Variants in WDFY3 observed in about 807,000 individuals in gnomAD.
The protein encoded by WDFY3 is WD repeat and FYVE domain containing 3.
In WDFY3, 66 loss-of-function variants were observed where a neutral mutation model predicts 409.6. The ratio of observed to expected loss-of-function variants is 0.16; its 90% CI spans 0.13 to 0.20. The LOEUF is 0.20. Ranked by LOEUF, WDFY3 falls within the 10% of genes least tolerant of loss-of-function variation. The pLI is 1.00. For synonymous variants in WDFY3, 1,521 were observed against 1,537.1 expected, an observed-to-expected ratio of 0.99 and a Z score of 0.25; for missense variants, 3,031 against 4,298.1, an observed-to-expected ratio of 0.71 and a Z score of 8.24.
In WDFY3 at chr4:84,815,952, C is replaced by A. The variant is rs182143856; in HGVS notation, c.1887+1440G>T. Among the ~76,000 whole-genome samples, 25 of 152,150 alleles carry A rather than the reference C, an allele frequency of 1.6e-4. No individual in the cohort carries two copies. In the East Asian group the frequency reaches 4.8e-3, roughly 29 times the overall value. ...ATTTTACTTGAATCAATTATTACTA[C>A]GATAGTTCATAAATTGTGATTTTCT... On this transcript the variant is annotated intron_variant, in intron 13 of 67. Coordinates refer to ENST00000295888, the MANE Select transcript of WDFY3 (RefSeq NM_014991.6).
chr4:84,762,615 AT>A (rs1742857859), intron 32 of WDFY3, among the ~76,000 whole-genome samples: 2 of 152,136 alleles, frequency 1.3e-5, no homozygotes, highest in African/African-American at 4.8e-5. Flanking sequence ...AAGTATAATA[AT>A]AAAAAAAAAA....
At chr4:84,700,003 G>T (rs1730822536) in intron 56 of WDFY3, among the ~76,000 whole-genome samples, 1 of 147,314 alleles carries the variant, frequency 6.8e-6, no homozygotes, top group Non-Finnish European at 1.5e-5. Flanking sequence ...CCATTCTATA[G>T]GCATCTTTTC....
At chr4:84,750,674 TTC>T (rs1740372727) in intron 36 of WDFY3, among the ~76,000 whole-genome samples, 1 of 152,246 alleles carries the variant, frequency 6.6e-6, no homozygotes, top group Non-Finnish European at 1.5e-5. Flanking sequence ...GTATTAAATT[TTC>T]TCTCTGTGAT....
At chr4:84,912,440 G>A (rs1767914933) in intron 2 of WDFY3, among the ~76,000 whole-genome samples, 1 of 152,082 alleles carries the variant, frequency 6.6e-6, no homozygotes, top group African/African-American at 2.4e-5. Flanking sequence ...CTTTATTGTG[G>A]GCACAGGGTT....
intron 13 of WDFY3, among the ~76,000 whole-genome samples, chr4:84,811,740 C>T (rs1752526891): frequency 1.3e-5 from 2 of 152,046 alleles, no homozygotes. Flanking sequence ...TAAAAGATCT[C>T]ACACATTTCT....
intron 62 of WDFY3, among the ~76,000 whole-genome samples, chr4:84,687,069 G>A (rs12647707): frequency 2.6e-5 from 4 of 151,976 alleles, no homozygotes; most frequent in East Asian, 3.9e-4. Context: ...TCTCTTGTTT[G>A]GGTACCCAAA....
Position 84,966,680 on chromosome 4 carries a change from G to C in WDFY3, c.-697C>G, listed in dbSNP as rs1775808168. The C allele has an allele frequency of 6.4e-6, 1 of 155,896 alleles. No homozygotes were observed. The highest frequency in any genetic ancestry group is 6.5e-5 in the Admixed American group (1 of 15,292). The allele number at this position is 155,896 out of a possible 1,614,324, so 9.7% of individuals were successfully genotyped here. On this transcript the variant is annotated 5_prime_UTR_variant, in exon 1 of 68. Coordinates refer to ENST00000295888, the MANE Select transcript of WDFY3 (RefSeq NM_014991.6). The stretch of plus-strand genomic sequence containing the variant: ...CCTCCTCCTGCTTTCTCCACCTCCC[G>C]CTGGCTGTCTGACTGACTGACTGGA...
intron 50 of WDFY3, 90 bp from the exon 51 acceptor site, chr4:84,713,329 T>G (rs1003858306): frequency 8.2e-7 from 1 of 1,219,146 alleles, no homozygotes; most frequent in Non-Finnish European, 1.2e-6. Flanking sequence ...GTTTAGATTT[T>G]CATAGTTGCG....
chr4:84,803,221 T>A, intron 16 of WDFY3, 69 bp downstream of exon 16: 1 of 1,463,384 alleles, frequency 6.8e-7, no homozygotes. Flanking sequence ...CCCTAGCTCA[T>A]ATAATCATAC....
At chr4:84,775,174 A>T (rs1347428029) in intron 27 of WDFY3, 36 bp from the exon 28 acceptor site, 1 of 1,525,182 alleles carries the variant, frequency 6.6e-7, no homozygotes, top group East Asian at 2.3e-5. Flanking sequence ...ATTTAAGGTT[A>T]AAAAAAATGC....
chr4:84,724,623 G>C, intron 45 of WDFY3, 29 bp from the exon 46 acceptor site: 2 of 1,600,828 alleles, frequency 1.2e-6, no homozygotes, highest in Non-Finnish European at 1.7e-6. Flanking sequence ...AAATGACTCC[G>C]ATAACTATCA....
intron 27 of WDFY3, among the ~76,000 whole-genome samples, chr4:84,777,686 G>A (rs1319187040): frequency 1.3e-5 from 2 of 152,038 alleles, no homozygotes; most frequent in African/African-American, 2.4e-5. Flanking sequence ...AGGAAGAAGG[G>A]TTAGGGCCTA....
intron 27 of WDFY3, among the ~76,000 whole-genome samples, chr4:84,776,638 T>C (rs1278305979): frequency 6.6e-6 from 1 of 152,080 alleles, no homozygotes; most frequent in African/African-American, 2.4e-5. Context: ...TCTATTTCTT[T>C]GTCTTTTTCC....
intron 1 of WDFY3, among the ~76,000 whole-genome samples, chr4:84,956,055 CA>C (rs1422719763): frequency 6.6e-6 from 1 of 152,102 alleles, no homozygotes; most frequent in Non-Finnish European, 1.5e-5. Flanking sequence ...AGCTATGTAT[CA>C]AATTCCTACT....
At chr4:84,919,398 T>A (rs1768947858) in intron 2 of WDFY3, among the ~76,000 whole-genome samples, 1 of 152,122 alleles carries the variant, frequency 6.6e-6, no homozygotes, top group Non-Finnish European at 1.5e-5. Context: ...ATACAGGGGA[T>A]GAAATGTTAT....
rs763941033 is a variant in WDFY3, at chr4:84,756,933, C to A, written c.5417G>T (p.Gly1806Val). The A allele has an allele frequency of 6.2e-6, 10 of 1,613,636 alleles. No individual in the cohort carries two copies. The highest frequency in any genetic ancestry group is 8.5e-6 in the Non-Finnish European group (10 of 1,179,732). ...VPVISCRSKQ[G>V]CQFDLDSIWT... ...TTGCTAGATAATTCCTACCTGGCAA[C>A]CCTGCTTACTCCGGCAGCTGATGAC... The change falls in exon 33 of 68, where the codon GGT (glycine) becomes GTT (valine). Residue 1806 changes from glycine (G) to valine (V), a missense_variant. By Grantham distance (109) the Gly-to-Val change is moderately radical. This residue lies in a region of WDFY3 where 342 missense variants were observed against 463.7 expected (regional missense o/e 0.74). Transcript: ENST00000295888.
chr4:84,943,272 C>T (rs1029673948), intron 1 of WDFY3, among the ~76,000 whole-genome samples: 5 of 152,158 alleles, frequency 3.3e-5, no homozygotes, highest in East Asian at 1.9e-4. Flanking sequence ...GAGGCCGAGG[C>T]GGGCGGATCA....
chr4:84,756,915 A>G lies in WDFY3; in HGVS notation c.5424+11T>C. 1 of 1,612,022 alleles carries G rather than the reference A, an allele frequency of 6.2e-7. No individual in the cohort carries two copies. The highest frequency in any genetic ancestry group is 8.5e-7 in the Non-Finnish European group (1 of 1,178,372). ...CGTAATTTCACGCACCCCTTGCTAGATAATTCCTACCTGGCAACCCTGCTT... is the reference window on the plus strand; with the variant it reads ...CGTAATTTCACGCACCCCTTGCTAGGTAATTCCTACCTGGCAACCCTGCTT... On this transcript the variant is annotated intron_variant, in intron 33 of 67. Coordinates refer to ENST00000295888, the MANE Select transcript of WDFY3 (RefSeq NM_014991.6).
At position 84,766,316 on chromosome 4, in the gene WDFY3, T is replaced by C; in HGVS notation, c.4906A>G (p.Arg1636Gly). 2.5e-6 allele frequency: 4 copies of C among 1,602,962 alleles called. No individual in the cohort carries two copies. The highest frequency in any genetic ancestry group is 3.4e-6 in the Non-Finnish European group (4 of 1,176,472). Residue 1636 changes from arginine (R) to glycine (G), a missense_variant, in exon 31 of 68, where the codon AGA (arginine) becomes GGA (glycine). Physicochemically the swap from Arg to Gly is moderately radical, Grantham distance 125 (BLOSUM62 -2). Coordinates refer to ENST00000295888, the MANE Select transcript of WDFY3 (RefSeq NM_014991.6). ...AGTTTTAGCAAGATATCCAGAAGTC[T>C]GTTCCTCAAAAGTATAAGATTAGCT... is the stretch of plus-strand genomic sequence containing the variant. ...VSANLILLRN[R>G]LLDILLKLIY...
Sources: allele counts gnomAD v4.1 joint callset (sites outside exome capture counted in the v4.1 genomes callset), GRCh38; gene constraint gnomAD v4.1.1; regional missense constraint gnomAD v4.1.1; transcripts MANE v1.5; gene names NCBI Gene and HGNC (gene_info 2026-07-23, HGNC 2026-07-21).